The following NRG1 variants were observed in gnomAD, a reference collection of about 807,000 sequenced individuals.
NRG1 encodes the protein neuregulin 1.
Under a neutral mutation model 63.8 loss-of-function variants are expected in NRG1, and 18 were observed. That is an observed-to-expected ratio of 0.28 (90% CI 0.19 to 0.42). The LOEUF (loss-of-function observed/expected upper bound fraction) is 0.42. Ranked by LOEUF, NRG1 falls within the 10% of genes least tolerant of loss-of-function variation. The pLI is 1.00. For missense variants in NRG1, 762 were observed against 814.7 expected, an observed-to-expected ratio of 0.94 and a Z score of 0.79; for synonymous variants, 302 against 301.3, an observed-to-expected ratio of 1.00 and a Z score of -0.02.
intron 1 of NRG1, among the ~76,000 whole-genome samples, chr8:32,039,799 G>A (rs180864509): frequency 1.4e-4 from 21 of 151,864 alleles, no homozygotes; most frequent in Admixed American, 1.1e-3. Context: ...CAGGACGATC[G>A]CTTGAGACCA....
chr8:31,813,516 C>CTTTTCTTTTTTTTTTT, intron 1 of NRG1, among the ~76,000 whole-genome samples: 13 of 101,218 alleles, frequency 1.3e-4, no homozygotes, highest in East Asian at 3.6e-4. Context: ...CTTTTCTTTT[C>CTTTTCTTTTTTTTTTT]TTTTTTTTTT....
At chr8:32,343,464 C>T (rs1360548888) in intron 1 of NRG1, among the ~76,000 whole-genome samples, 2 of 152,134 alleles carry the variant, frequency 1.3e-5, no homozygotes, top group Admixed American at 6.6e-5. Flanking sequence ...AAATAGTACT[C>T]CAGTTTTGTT....
chr8:31,992,375 T>C (rs1274018688), intron 1 of NRG1, among the ~76,000 whole-genome samples: 1 of 152,008 alleles, frequency 6.6e-6, no homozygotes. Context: ...ACTGCTGTGA[T>C]GTAACCTCTG....
chr8:32,603,755 G>A (rs1438645166), intron 2 of NRG1, among the ~76,000 whole-genome samples: 1 of 152,126 alleles, frequency 6.6e-6, no homozygotes, highest in Non-Finnish European at 1.5e-5. Context: ...GATTACAGGC[G>A]TGAGCCACTG....
intron 1 of NRG1, among the ~76,000 whole-genome samples, chr8:31,745,956 G>T (rs1198119293): frequency 1.3e-5 from 2 of 151,898 alleles, no homozygotes; most frequent in Non-Finnish European, 2.9e-5. Context: ...TACCCAGCTT[G>T]GGGACAGGAC....
intron 5 of NRG1, among the ~76,000 whole-genome samples, chr8:32,627,080 T>C (rs539195728): frequency 5.9e-4 from 90 of 151,958 alleles, no homozygotes; most frequent in African/African-American, 2.0e-3. Context: ...TTTATTATTA[T>C]TATTTTACTG....
At chr8:32,517,500 A>G (rs1022532181) in intron 1 of NRG1, among the ~76,000 whole-genome samples, 1 of 152,184 alleles carries the variant, frequency 6.6e-6, no homozygotes, top group Non-Finnish European at 1.5e-5. Flanking sequence ...ATCAAAAGAA[A>G]ACAAAAGAGG....
At chr8:31,971,504 A>G (rs1054745734) in intron 1 of NRG1, among the ~76,000 whole-genome samples, 17 of 152,286 alleles carry the variant, frequency 1.1e-4, no homozygotes, top group East Asian at 3.9e-4. Context: ...TAAATGCTAT[A>G]TAGTTAAGCA....
intron 1 of NRG1, among the ~76,000 whole-genome samples, chr8:31,934,420 CTTTT>C (rs1554580265): frequency 9.3e-6 from 1 of 108,062 alleles, no homozygotes; most frequent in Admixed American, 9.5e-5. Context: ...TATTCGCTCT[CTTTT>C]TTTTTTTTTT....
chr8:31,917,404 A>C (rs1833493590), intron 1 of NRG1, among the ~76,000 whole-genome samples: 2 of 150,480 alleles, frequency 1.3e-5, no homozygotes, highest in African/African-American at 4.9e-5. Context: ...GAAGGGATCC[A>C]GTTTCAGCTT....
chr8:31,910,164 G>A lies in NRG1; in HGVS notation c.37+270733G>A, dbSNP rs114907387. On this transcript the variant is annotated intron_variant, in intron 1 of 10. Coordinates refer to the NRG1 transcript ENST00000519301. Reference sequence around the variant, plus strand: ...TTTAAGCTGCGAGCTAAAGGATGACGATGACACATAGGAAAGAATGTTCCA... The same window carrying A: ...TTTAAGCTGCGAGCTAAAGGATGACAATGACACATAGGAAAGAATGTTCCA... Among the ~76,000 whole-genome samples the A allele has an allele frequency of 8.9e-3, 1,352 of 152,308 alleles. 20 individuals are homozygous for A. The highest frequency in any genetic ancestry group is 0.031 in the African/African-American group (1,277 of 41,560).
chr8:31,700,880 G>C (rs190393879), intron 1 of NRG1, among the ~76,000 whole-genome samples: 3 of 152,308 alleles, frequency 2.0e-5, no homozygotes, highest in Admixed American at 6.5e-5. Context: ...CAAGTAACTA[G>C]AGCAAGAGTA....
chr8:32,609,766 G>A (rs543433605), intron 3 of NRG1, among the ~76,000 whole-genome samples: 3 of 150,110 alleles, frequency 2.0e-5, no homozygotes, highest in African/African-American at 7.3e-5. Context: ...TCTCCTCCTG[G>A]ATTCAAGCAA....
intron 1 of NRG1, among the ~76,000 whole-genome samples, chr8:31,700,998 C>T (rs750591869): frequency 4.6e-5 from 7 of 152,162 alleles, no homozygotes; most frequent in East Asian, 1.9e-4. Context: ...GTAGCAGATG[C>T]GCTTTTCGCT....
chr8:32,093,437 A>G (rs1829476127), intron 1 of NRG1, among the ~76,000 whole-genome samples: 2 of 152,260 alleles, frequency 1.3e-5, no homozygotes, highest in Admixed American at 6.5e-5. Flanking sequence ...AATTAGGATC[A>G]AAGATAGTAC....
intron 1 of NRG1, among the ~76,000 whole-genome samples, chr8:31,669,566 C>A (rs1053252857): frequency 3.3e-5 from 5 of 152,058 alleles, no homozygotes; most frequent in African/African-American, 1.2e-4. Flanking sequence ...TAATTTTGTG[C>A]ATGAAATAAG....
intron 1 of NRG1, among the ~76,000 whole-genome samples, chr8:31,850,400 C>CA (rs1359642738): frequency 6.6e-6 from 1 of 152,162 alleles, no homozygotes; most frequent in East Asian, 1.9e-4. Context: ...CCTGTGGTTG[C>CA]ACTCTTGGTT....
chr8:32,146,773 C>T (rs1013100510), intron 1 of NRG1, among the ~76,000 whole-genome samples: 2 of 151,690 alleles, frequency 1.3e-5, no homozygotes, highest in African/African-American at 4.8e-5. Context: ...GTTAATCTTA[C>T]TATATATTTG....
chr8:32,024,746 C>A lies in NRG1; in HGVS notation c.37+385315C>A, dbSNP rs572628255. Among the ~76,000 whole-genome samples the A allele has an allele frequency of 5.3e-5, 8 of 152,282 alleles. No homozygotes were observed. The South Asian group carries it at 1.2e-3, about 24-fold the overall frequency. Reference sequence around the variant, plus strand: ...ACAAAAGAATAAGAAGTAAAATATTCTTTAATTATGTATTATCTCCTACAG... The same window carrying A: ...ACAAAAGAATAAGAAGTAAAATATTATTTAATTATGTATTATCTCCTACAG... On this transcript the variant is annotated intron_variant, in intron 1 of 10. Transcript: ENST00000519301.
Sources: gnomAD v4.1 joint callset for allele counts (sites outside exome capture counted in the v4.1 genomes callset) on GRCh38, gnomAD v4.1.1 for gene constraint, MANE v1.5 for transcripts, NCBI Gene and HGNC (gene_info 2026-07-23, HGNC 2026-07-21) for gene names.